Variants in PLCB1 observed in about 807,000 individuals in gnomAD.
PLCB1 encodes 1-phosphatidylinositol 4,5-bisphosphate phosphodiesterase beta-1.
A neutral mutation model predicts 161.8 loss-of-function variants in PLCB1; 46 were observed. That is an observed-to-expected ratio of 0.28 (90% CI 0.22 to 0.36). The LOEUF is 0.36. Ranked by LOEUF, PLCB1 falls within the 10% of genes least tolerant of loss-of-function variation. The pLI is 1.00. For synonymous variants in PLCB1, 517 were observed against 503.7 expected (o/e 1.03, Z -0.35); for missense variants, 1,016 against 1,472.5 (o/e 0.69, Z 5.07).
intron 20 of PLCB1, among the ~76,000 whole-genome samples, chr20:8,738,543 A>G (rs1458418552): frequency 1.3e-5 from 2 of 152,082 alleles, no homozygotes; most frequent in African/African-American, 4.8e-5. Flanking sequence ...ACTTAAAAGT[A>G]TAATAATAAT....
At chr20:8,652,865 C>G (rs1256590558) in intron 7 of PLCB1, 1 of 152,006 alleles carries the variant, frequency 6.6e-6, no homozygotes, top group African/African-American at 2.4e-5. Flanking sequence ...TGAAGTTACC[C>G]TAATTGTTAA....
At chr20:8,678,293 G>A (rs1990134781) in intron 9 of PLCB1, among the ~76,000 whole-genome samples, 1 of 152,154 alleles carries the variant, frequency 6.6e-6, no homozygotes, top group African/African-American at 2.4e-5. Flanking sequence ...TAGTATTACT[G>A]TCTCTGAAAG....
chr20:8,518,453 T>C (rs1600122463), intron 3 of PLCB1, among the ~76,000 whole-genome samples: 1 of 152,214 alleles, frequency 6.6e-6, no homozygotes, highest in Non-Finnish European at 1.5e-5. Context: ...GGAGAAAATA[T>C]CAAGTGGAGA....
intron 31 of PLCB1, among the ~76,000 whole-genome samples, chr20:8,828,705 T>C (rs905538518): frequency 6.6e-6 from 1 of 152,212 alleles, no homozygotes; most frequent in African/African-American, 2.4e-5. Context: ...TAGGGAGCCC[T>C]GCCAACCTAT....
intron 19 of PLCB1, 152 bp downstream of exon 19, chr20:8,733,544 T>C: frequency 3.0e-6 from 2 of 674,564 alleles, no homozygotes; most frequent in Non-Finnish European, 4.9e-6. Flanking sequence ...AAATACACAT[T>C]AAAAGTTTTC....
chr20:8,180,980 T>A (rs1285994898), intron 2 of PLCB1, among the ~76,000 whole-genome samples: 1 of 151,518 alleles, frequency 6.6e-6, no homozygotes, highest in Non-Finnish European at 1.5e-5. Flanking sequence ...TATGTATGTG[T>A]GCGTGTGTGT....
At chr20:8,727,878 A>G (rs887955659) in intron 17 of PLCB1, among the ~76,000 whole-genome samples, 5 of 152,098 alleles carry the variant, frequency 3.3e-5, no homozygotes, top group African/African-American at 1.2e-4. Flanking sequence ...ATATAAATAT[A>G]CATTACTAAG....
chr20:8,501,958 C>A (rs1983440609), intron 3 of PLCB1, among the ~76,000 whole-genome samples: 1 of 131,558 alleles, frequency 7.6e-6, no homozygotes, highest in Non-Finnish European at 1.6e-5. Flanking sequence ...TTATTTTATT[C>A]TCCAAAGTTG....
chr20:8,353,405 G>A (rs146968073), intron 2 of PLCB1, among the ~76,000 whole-genome samples: 1 of 152,180 alleles, frequency 6.6e-6, no homozygotes, highest in East Asian at 1.9e-4. Context: ...GAGCATAACT[G>A]CCTTCTCTTA....
intron 2 of PLCB1, among the ~76,000 whole-genome samples, chr20:8,213,885 G>T (rs185971979): frequency 6.6e-6 from 1 of 152,108 alleles, no homozygotes; most frequent in Admixed American, 6.6e-5. Flanking sequence ...CAGTAATGCG[G>T]TTACTTTCCA....
chr20:8,720,971 CA>C (rs1979600119), intron 14 of PLCB1, among the ~76,000 whole-genome samples: 1 of 151,894 alleles, frequency 6.6e-6, no homozygotes, highest in South Asian at 2.1e-4. Flanking sequence ...GTTTTCTATC[CA>C]AAATATAATC....
intron 31 of PLCB1, among the ~76,000 whole-genome samples, chr20:8,842,274 G>C (rs890986458): frequency 7.9e-5 from 12 of 152,162 alleles, no homozygotes; most frequent in Non-Finnish European, 1.8e-4. Context: ...ATTAATTTTA[G>C]TGGCTATTGT....
chr20:8,421,186 A>C (rs1600389439), intron 3 of PLCB1, among the ~76,000 whole-genome samples: 1 of 152,326 alleles, frequency 6.6e-6, no homozygotes, highest in East Asian at 1.9e-4. Flanking sequence ...TTGCTTACAC[A>C]GTTTATATGT....
chr20:8,355,803 A>G (rs1050258585), intron 2 of PLCB1, among the ~76,000 whole-genome samples: 2 of 152,214 alleles, frequency 1.3e-5, no homozygotes, highest in Non-Finnish European at 2.9e-5. Flanking sequence ...GGGGGCACTT[A>G]ACCCTCAGCT....
intron 3 of PLCB1, among the ~76,000 whole-genome samples, chr20:8,512,801 A>G (rs911171462): frequency 1.3e-5 from 2 of 152,176 alleles, no homozygotes; most frequent in African/African-American, 4.8e-5. Context: ...TCTTTGTGGT[A>G]CAAACATTTC....
At chr20:8,810,960 G>A (rs974007182) in intron 31 of PLCB1, among the ~76,000 whole-genome samples, 2 of 152,150 alleles carry the variant, frequency 1.3e-5, no homozygotes, top group African/African-American at 2.4e-5. Context: ...ACAACAGATT[G>A]AGACCCTGTC....
At chr20:8,352,529 T>G (rs914067823) in intron 2 of PLCB1, among the ~76,000 whole-genome samples, 1 of 152,066 alleles carries the variant, frequency 6.6e-6, no homozygotes, top group Non-Finnish European at 1.5e-5. Context: ...TTTAATATAT[T>G]CAAATATTAG....
At chr20:8,342,462 G>T (rs1985842480) in intron 2 of PLCB1, among the ~76,000 whole-genome samples, 1 of 152,122 alleles carries the variant, frequency 6.6e-6, no homozygotes. Context: ...TGGATTATTG[G>T]CAAGGGAAAG....
chr20:8,724,877 A>G lies in PLCB1; in HGVS notation c.1678+125A>G, dbSNP rs112505861. 1.6e-4 allele frequency: 95 copies of G among 609,842 alleles called. 1 individual carries two copies. Among genetic ancestry groups the G allele is most frequent in the African/African-American group, 9.7e-4 (52 of 53,778 alleles). The allele number at this position is 609,842 out of a possible 1,614,324, so 37.8% of individuals were successfully genotyped here. ...TTTATGCTTTTGAAGTCTTAAATATATGTACATTTTGACTGCCTTGTTACT... is the reference window on the plus strand; with the variant it reads ...TTTATGCTTTTGAAGTCTTAAATATGTGTACATTTTGACTGCCTTGTTACT... On this transcript the variant is annotated intron_variant, in intron 16 of 31. Coordinates refer to ENST00000338037, the MANE Select transcript of PLCB1 (RefSeq NM_015192.4).
Sources: gnomAD v4.1 joint callset for allele counts (sites outside exome capture counted in the v4.1 genomes callset) on GRCh38, gnomAD v4.1.1 for gene constraint, MANE v1.5 for transcripts, NCBI Gene and HGNC (gene_info 2026-07-23, HGNC 2026-07-21) for gene names.